Variants in DTNB observed in about 807,000 individuals in gnomAD.
DTNB encodes the protein dystrobrevin beta, also known as DTN-B.
DTNB carries 63 observed loss-of-function variants against 90.7 expected under a neutral mutation model. The ratio of observed to expected loss-of-function variants is 0.69; its 90% CI spans 0.57 to 0.86. DTNB has a LOEUF of 0.86. DTNB is among the 40% of genes least tolerant of loss of function. DTNB has a pLI of 0.00. For synonymous variants in DTNB, 277 were observed against 286.7 expected (o/e 0.97, Z 0.34); for missense variants, 744 against 807.1 (o/e 0.92, Z 0.95).
intron 1 of DTNB, among the ~76,000 whole-genome samples, chr2:25,667,226 C>T (rs1005695292): frequency 6.6e-6 from 1 of 151,946 alleles, no homozygotes; most frequent in African/African-American, 2.4e-5. Flanking sequence ...TGGTGGCTCA[C>T]GTCTTTAATC....
chr2:25,580,214 C>T (rs1432594667), intron 7 of DTNB, among the ~76,000 whole-genome samples: 1 of 152,014 alleles, frequency 6.6e-6, no homozygotes, highest in Non-Finnish European at 1.5e-5. Flanking sequence ...CTCCTGATCA[C>T]AAGTGATCCA....
At chr2:25,517,215 C>A (rs929624471) in intron 9 of DTNB, among the ~76,000 whole-genome samples, 1 of 152,114 alleles carries the variant, frequency 6.6e-6, no homozygotes, top group Non-Finnish European at 1.5e-5. Flanking sequence ...ACATATTGTA[C>A]GATTCTGTTT....
chr2:25,447,661 C>T (rs1322272692), intron 12 of DTNB, among the ~76,000 whole-genome samples: 1 of 151,948 alleles, frequency 6.6e-6, no homozygotes, highest in African/African-American at 2.4e-5. Flanking sequence ...TATGCCACCA[C>T]ACCTGGCTAA....
intron 15 of DTNB, among the ~76,000 whole-genome samples, chr2:25,420,467 A>AATCAATCTATCTATCT (rs771676964): frequency 3.5e-4 from 51 of 145,628 alleles, no homozygotes; most frequent in African/African-American, 1.3e-3. Flanking sequence ...CATCTAAATC[A>AATCAATCTATCTATCT]ATCTATCTAT....
At chr2:25,416,800 G>C (rs1273184827) in intron 16 of DTNB, among the ~76,000 whole-genome samples, 2 of 128,764 alleles carry the variant, frequency 1.6e-5, no homozygotes, top group South Asian at 2.4e-4. Context: ...AAGGAAGGAA[G>C]GAACGAAGGA....
chr2:25,629,788 C>T lies in DTNB; in HGVS notation c.149-1404G>A, dbSNP rs2075274896. Among the ~76,000 whole-genome samples, 3 of 151,996 alleles carry T rather than the reference C, an allele frequency of 2.0e-5. No homozygotes were observed. The South Asian group carries it at 6.2e-4, about 32-fold the overall frequency. On this transcript the variant is annotated intron_variant, in intron 3 of 20. Coordinates refer to ENST00000406818, the MANE Select transcript of DTNB (RefSeq NM_021907.5). ...TGATAAAGGGCATCTACAACAAATCCCAATGCCAACATCATACTTAATCAG... is the reference window on the plus strand; with the variant it reads ...TGATAAAGGGCATCTACAACAAATCTCAATGCCAACATCATACTTAATCAG...
Position 25,387,010 on chromosome 2 carries a change from C to A in DTNB, c.1825+279G>T, listed in dbSNP as rs766865365. On this transcript the variant is annotated intron_variant, in intron 18 of 20. Coordinates refer to ENST00000406818, the MANE Select transcript of DTNB (RefSeq NM_021907.5). The surrounding 1 kb of genome is among the most constrained non-coding windows in gnomAD (Gnocchi z 4.5). ...GAAGACGAGGTAAGTGAGGAAGGGG[C>A]CTGCCTGCACTGAAAGGTCTGAATT... 6.6e-6 allele frequency among the ~76,000 whole-genome samples: 1 copy of A among 152,144 alleles called. No homozygotes were observed. Among genetic ancestry groups the A allele is most frequent in the African/African-American group, 2.4e-5 (1 of 41,438 alleles).
At chr2:25,608,301 C>T (rs906663813) in intron 4 of DTNB, among the ~76,000 whole-genome samples, 2 of 152,152 alleles carry the variant, frequency 1.3e-5, no homozygotes, top group African/African-American at 4.8e-5. Context: ...ATTTTCCACA[C>T]TGTCTTTATA....
chr2:25,569,953 C>T (rs1019195010), intron 8 of DTNB, among the ~76,000 whole-genome samples: 7 of 151,858 alleles, frequency 4.6e-5, no homozygotes, highest in African/African-American at 4.8e-5. Context: ...AAAAATCAGC[C>T]GAGCGTGGTG....
intron 19 of DTNB, among the ~76,000 whole-genome samples, chr2:25,382,157 G>C (rs1201730256): frequency 1.3e-5 from 2 of 152,174 alleles, no homozygotes; most frequent in Admixed American, 1.3e-4. Flanking sequence ...GCTGCTGCTG[G>C]CTCCTCCTCA....
chr2:25,574,267 T>C (rs776067800), intron 8 of DTNB, among the ~76,000 whole-genome samples: 5 of 152,200 alleles, frequency 3.3e-5, no homozygotes, highest in Admixed American at 3.3e-4. Flanking sequence ...GTATCCCAAA[T>C]ACCTCTTACA....
At chr2:25,397,340 A>C (rs1329241422) in intron 16 of DTNB, among the ~76,000 whole-genome samples, 1 of 149,940 alleles carries the variant, frequency 6.7e-6, no homozygotes, top group Non-Finnish European at 1.5e-5. Flanking sequence ...TCTGTCTCAA[A>C]AAAAAAAAAA....
At chr2:25,404,231 C>T (rs1299655456) in intron 16 of DTNB, among the ~76,000 whole-genome samples, 2 of 152,164 alleles carry the variant, frequency 1.3e-5, no homozygotes, top group Non-Finnish European at 2.9e-5. Context: ...GCACACCAAA[C>T]GGGATGTAAC....
chr2:25,541,573 C>G (rs1407907541), intron 8 of DTNB, among the ~76,000 whole-genome samples: 1 of 152,132 alleles, frequency 6.6e-6, no homozygotes, highest in Non-Finnish European at 1.5e-5. Context: ...TGTTGTTGCG[C>G]AACCAATCTC....
chr2:25,447,774 C>T (rs2058645801), intron 12 of DTNB, among the ~76,000 whole-genome samples: 1 of 151,828 alleles, frequency 6.6e-6, no homozygotes, highest in African/African-American at 2.4e-5. Flanking sequence ...CTCCCAAAGT[C>T]CTGGGATTAC....
intron 1 of DTNB, among the ~76,000 whole-genome samples, chr2:25,658,348 G>A (rs528612399): frequency 2.6e-5 from 4 of 152,156 alleles, no homozygotes; most frequent in East Asian, 3.9e-4. Context: ...AAGCAGTCAC[G>A]ATGTGAGAAA....
chr2:25,385,404 C>T (rs183425301), intron 18 of DTNB, among the ~76,000 whole-genome samples: 5 of 152,144 alleles, frequency 3.3e-5, no homozygotes, highest in Non-Finnish European at 7.3e-5. Context: ...GAAATTGGCA[C>T]CCTCACATGT....
intron 8 of DTNB, among the ~76,000 whole-genome samples, chr2:25,538,523 C>G (rs1399300302): frequency 6.6e-6 from 1 of 152,130 alleles, no homozygotes; most frequent in African/African-American, 2.4e-5. Context: ...GTGATCTCGG[C>G]TCACTGCATC....
chr2:25,604,592 T>G, intron 5 of DTNB, among the ~76,000 whole-genome samples: 1 of 152,182 alleles, frequency 6.6e-6, no homozygotes, highest in Non-Finnish European at 1.5e-5. Flanking sequence ...ATTACTTTTA[T>G]TTTTATTTAT....
Sources: gnomAD v4.1 joint callset for allele counts (sites outside exome capture counted in the v4.1 genomes callset) on GRCh38, gnomAD v4.1.1 for gene constraint, Gnocchi (gnomAD v3.1) non-coding constraint, MANE v1.5 for transcripts, NCBI Gene and HGNC (gene_info 2026-07-23, HGNC 2026-07-21) for gene names.